The following CACNA1C variants were observed in gnomAD, a reference collection of about 807,000 sequenced individuals.
CACNA1C encodes calcium voltage-gated channel subunit alpha1 C, also known as voltage-dependent L-type calcium channel subunit alpha-1C.
Under a neutral mutation model 229.0 loss-of-function variants are expected in CACNA1C, and 30 were observed. The observed-to-expected ratio is 0.13, with a 90% CI of 0.10 to 0.18. The LOEUF is 0.18. CACNA1C is among the 10% of genes least tolerant of loss of function. The pLI is 1.00. For synonymous variants in CACNA1C, 1,114 were observed against 1,132.5 expected (o/e 0.98, Z 0.33); for missense variants, 1,658 against 2,845.0 (o/e 0.58, Z 9.49).
At chr12:2,258,032 G>C (rs550860605) in intron 3 of CACNA1C, among the ~76,000 whole-genome samples, 36 of 152,354 alleles carry the variant, frequency 2.4e-4, no homozygotes, top group African/African-American at 8.7e-4. Flanking sequence ...TGAGAACCAA[G>C]CCAAAGGAAA....
At chr12:2,299,263 A>G (rs1315047387) in intron 3 of CACNA1C, among the ~76,000 whole-genome samples, 1 of 152,208 alleles carries the variant, frequency 6.6e-6, no homozygotes, top group African/African-American at 2.4e-5. Context: ...CTCCCTGGAC[A>G]TCAGGGGGTG....
chr12:2,211,582 A>G (rs1337057479), intron 3 of CACNA1C, among the ~76,000 whole-genome samples: 2 of 152,166 alleles, frequency 1.3e-5, no homozygotes, highest in East Asian at 3.9e-4. Context: ...TCCTTCTTCT[A>G]AGAGTGTAAA....
At chr12:2,327,129 G>A (rs943184685) in intron 3 of CACNA1C, among the ~76,000 whole-genome samples, 1 of 152,180 alleles carries the variant, frequency 6.6e-6, no homozygotes, top group African/African-American at 2.4e-5. Context: ...GGAGTAGACT[G>A]TTCACCTCGG....
rs1020118499 is a variant in CACNA1C at position 2,029,408 on chromosome 12, A to G, written c.139+58207A>G. On this transcript the variant is annotated intron_variant, in intron 1 of 46. Coordinates refer to the CACNA1C transcript ENST00000682462. This position sits in a 1 kb window ranked among gnomAD's most constrained non-coding sequence, Gnocchi z 4.9. Reference sequence around the variant, plus strand: ...TAGTCCCGAAGGAAACCCTGTACCCATTAAGAAGACACTCCCTATTCCCGC... The same window carrying G: ...TAGTCCCGAAGGAAACCCTGTACCCGTTAAGAAGACACTCCCTATTCCCGC... Among the ~76,000 whole-genome samples, 1 of 152,160 alleles carries G rather than the reference A, an allele frequency of 6.6e-6. No individual in the cohort carries two copies. The highest frequency in any genetic ancestry group is 1.5e-5 in the Non-Finnish European group (1 of 68,028).
chr12:2,161,285 A>C (rs1441901091), intron 3 of CACNA1C, among the ~76,000 whole-genome samples: 1 of 150,896 alleles, frequency 6.6e-6, no homozygotes, highest in East Asian at 2.0e-4. Flanking sequence ...GGTCTCTGGG[A>C]GGGGAGAGAC....
intron 3 of CACNA1C, among the ~76,000 whole-genome samples, chr12:2,184,534 T>C (rs2096938046): frequency 6.6e-6 from 1 of 152,240 alleles, no homozygotes; most frequent in Non-Finnish European, 1.5e-5. Flanking sequence ...AACCCAAGAA[T>C]GTGTTTGCCT....
Position 2,649,018 on chromosome 12 carries a change from G to T in CACNA1C, c.3945+511G>T, listed in dbSNP as rs2094635899. 6.6e-6 allele frequency among the ~76,000 whole-genome samples: 1 copy of T among 152,160 alleles called. No individual in the cohort carries two copies. Among genetic ancestry groups the T allele is most frequent in the Admixed American group, 6.5e-5 (1 of 15,274 alleles). On this transcript the variant is annotated intron_variant, in intron 31 of 46. Transcript: ENST00000399655. The surrounding 1 kb of genome is among the most constrained non-coding windows in gnomAD (Gnocchi z 4.4). ...CTTCAAGTGAAAGGCCACCATAAAA[G>T]GTTTCAGCTGGGATTTGTTACTGAG...
intron 3 of CACNA1C, among the ~76,000 whole-genome samples, chr12:2,237,780 G>A (rs1330952669): frequency 1.3e-5 from 2 of 152,204 alleles, no homozygotes; most frequent in Non-Finnish European, 2.9e-5. Flanking sequence ...ACCAGCATTA[G>A]CCAACAGCAC....
intron 3 of CACNA1C, among the ~76,000 whole-genome samples, chr12:2,295,671 T>C (rs998330322): frequency 3.3e-5 from 5 of 152,246 alleles, no homozygotes; most frequent in African/African-American, 1.2e-4. Context: ...TTCATTGCAA[T>C]GGGTTGGTCA....
At chr12:2,005,666 C>A (rs1565901601) in intron 1 of CACNA1C, among the ~76,000 whole-genome samples, 2 of 152,114 alleles carry the variant, frequency 1.3e-5, no homozygotes, top group Non-Finnish European at 1.5e-5. Flanking sequence ...TTTAACAAAT[C>A]TTGTATAATG....
chr12:2,373,400 C>G (rs1172425739), intron 3 of CACNA1C, among the ~76,000 whole-genome samples: 1 of 152,094 alleles, frequency 6.6e-6, no homozygotes, highest in Non-Finnish European at 1.5e-5. Flanking sequence ...CATGAATATA[C>G]AATGGGGAGT....
At chr12:2,079,167 A>G (rs1312536529) in intron 1 of CACNA1C, among the ~76,000 whole-genome samples, 1 of 151,790 alleles carries the variant, frequency 6.6e-6, no homozygotes, top group Non-Finnish European at 1.5e-5. Flanking sequence ...ATTAGGAGAT[A>G]TACCTAATAT....
At chr12:2,606,691 G>A in intron 25 of CACNA1C, 28 bp downstream of exon 25, 2 of 1,595,886 alleles carry the variant, frequency 1.3e-6, no homozygotes, top group Non-Finnish European at 1.7e-6. Flanking sequence ...GGCAGCCAGG[G>A]CCACGGCCGG....
At chr12:2,324,922 C>T (rs2096220478) in intron 3 of CACNA1C, among the ~76,000 whole-genome samples, 1 of 152,106 alleles carries the variant, frequency 6.6e-6, no homozygotes, top group African/African-American at 2.4e-5. Flanking sequence ...GCTATTTAGT[C>T]GTTACTGTTG....
chr12:2,499,956 TGGACCAGAATAAAGA>T (rs2099755347), intron 7 of CACNA1C, among the ~76,000 whole-genome samples: 1 of 152,088 alleles, frequency 6.6e-6, no homozygotes, highest in Non-Finnish European at 1.5e-5. Context: ...CCAAAGTAGG[TGGACCAGAATAAAGA>T]GGAGAAAGTA....
intron 1 of CACNA1C, among the ~76,000 whole-genome samples, chr12:2,001,097 A>C (rs2042105569): frequency 6.6e-6 from 1 of 152,142 alleles, no homozygotes; most frequent in African/African-American, 2.4e-5. Context: ...TGATGAAAAA[A>C]CGTCAGGCGC....
chr12:2,144,347 C>G (rs1280413727), intron 3 of CACNA1C, among the ~76,000 whole-genome samples: 1 of 151,160 alleles, frequency 6.6e-6, no homozygotes, highest in African/African-American at 2.4e-5. Flanking sequence ...AGAAGAGACA[C>G]CATTCCATGT....
chr12:2,206,430 C>A (rs915988877), intron 3 of CACNA1C, among the ~76,000 whole-genome samples: 4 of 152,164 alleles, frequency 2.6e-5, no homozygotes, highest in Non-Finnish European at 5.9e-5. Flanking sequence ...TGGAATGGAA[C>A]CTGCATTTGA....
At chr12:2,121,966 A>G (rs1214554521) in intron 3 of CACNA1C, among the ~76,000 whole-genome samples, 1 of 152,128 alleles carries the variant, frequency 6.6e-6, no homozygotes, top group South Asian at 2.1e-4. Flanking sequence ...GGTTTTTCTT[A>G]GGTCCTGAGA....
Sources: allele counts gnomAD v4.1 joint callset (sites outside exome capture counted in the v4.1 genomes callset), GRCh38; gene constraint gnomAD v4.1.1; non-coding constraint Gnocchi (gnomAD v3.1); transcripts MANE v1.5; gene names NCBI Gene and HGNC (gene_info 2026-07-23, HGNC 2026-07-21).